The following RBFOX3 variants were observed in gnomAD, a reference collection of about 807,000 sequenced individuals.
The protein encoded by RBFOX3 is RNA binding protein fox-1 homolog 3.
A neutral mutation model predicts 48.7 loss-of-function variants in RBFOX3; 17 were observed. The ratio of observed to expected loss-of-function variants is 0.35; its 90% CI spans 0.24 to 0.52. RBFOX3 has a LOEUF of 0.52. Ranked by LOEUF, RBFOX3 falls within the 20% of genes least tolerant of loss-of-function variation. The pLI, the probability that RBFOX3 is intolerant of heterozygous loss-of-function variation, is 0.94. For missense variants in RBFOX3, 382 were observed against 497.5 expected (o/e 0.77, Z 2.21); for synonymous variants, 212 against 209.5 (o/e 1.01, Z -0.10).
At chr17:79,357,809 T>TTA (rs1442381876) in intron 2 of RBFOX3, among the ~76,000 whole-genome samples, 1 of 151,976 alleles carries the variant, frequency 6.6e-6, no homozygotes, top group Non-Finnish European at 1.5e-5. Flanking sequence ...GGTGTTTTTT[T>TTA]TTTATTTACT....
At chr17:79,287,926 G>T (rs148577773) in intron 3 of RBFOX3, among the ~76,000 whole-genome samples, 2,028 of 152,288 alleles carry the variant, frequency 0.013, 23 homozygotes, top group Non-Finnish European at 0.018. Context: ...CAGTGAGTGC[G>T]GCTGTGCATG....
At chr17:79,093,009 G>T (rs574304591) in intron 14 of RBFOX3, among the ~76,000 whole-genome samples, 2 of 152,240 alleles carry the variant, frequency 1.3e-5, no homozygotes, top group African/African-American at 4.8e-5. Context: ...AGGGTGGCAC[G>T]GGGCATCTTC....
chr17:79,118,814 TAAAA>T (rs34700433), intron 4 of RBFOX3, among the ~76,000 whole-genome samples: 14 of 142,362 alleles, frequency 9.8e-5, no homozygotes, highest in South Asian at 4.5e-4. Context: ...CTACAAAAAA[TAAAA>T]AAAAAAAAAA....
chr17:79,520,777 C>G (rs2085949774), intron 1 of RBFOX3, among the ~76,000 whole-genome samples: 1 of 152,252 alleles, frequency 6.6e-6, no homozygotes, highest in African/African-American at 2.4e-5. Flanking sequence ...GTCGGGCCCT[C>G]CCGGCTGGCC....
intron 9 of RBFOX3, chr17:79,098,160 G>T: frequency 5.7e-6 from 1 of 175,816 alleles, no homozygotes; most frequent in Non-Finnish European, 1.2e-5. Context: ...CACCATCCGA[G>T]CTCCAGGTGG....
chr17:79,620,547 ATGCACACATG>A, the RBFOX3 span, among the ~76,000 whole-genome samples: 5 of 148,374 alleles, frequency 3.4e-5, no homozygotes, highest in African/African-American at 1.3e-4. Context: ...GCACACACGC[ATGCACACATG>A]TGCACACCCG....
intron 2 of RBFOX3, among the ~76,000 whole-genome samples, chr17:79,464,554 T>C (rs1177253823): frequency 6.6e-6 from 1 of 152,176 alleles, no homozygotes; most frequent in Non-Finnish European, 1.5e-5. Flanking sequence ...CGTGCCGTGA[T>C]GCAGACGCCG....
At chr17:79,500,512 C>T (rs1179764634) in intron 1 of RBFOX3, among the ~76,000 whole-genome samples, 1 of 152,152 alleles carries the variant, frequency 6.6e-6, no homozygotes, top group Non-Finnish European at 1.5e-5. Context: ...CCGCCTTGGC[C>T]TCCCAAAGTG....
At chr17:79,224,844 C>T (rs571909371) in intron 4 of RBFOX3, among the ~76,000 whole-genome samples, 22 of 152,338 alleles carry the variant, frequency 1.4e-4, no homozygotes, top group Middle Eastern at 3.4e-3. Context: ...GAACTCAGAG[C>T]AAGATTTTAC....
At chr17:79,335,223 A>G (rs1184042185) in intron 2 of RBFOX3, among the ~76,000 whole-genome samples, 1 of 152,228 alleles carries the variant, frequency 6.6e-6, no homozygotes, top group Non-Finnish European at 1.5e-5. Flanking sequence ...GCAGGTGGCC[A>G]ACATGAGTAT....
At chr17:79,125,696 T>G (rs1156753075) in intron 4 of RBFOX3, among the ~76,000 whole-genome samples, 1 of 152,230 alleles carries the variant, frequency 6.6e-6, no homozygotes, top group Non-Finnish European at 1.5e-5. Flanking sequence ...ATGAAGCTAA[T>G]TGCCTTCAGA....
intron 2 of RBFOX3, among the ~76,000 whole-genome samples, chr17:79,375,367 A>ACAC: frequency 7.2e-6 from 1 of 138,506 alleles, no homozygotes; most frequent in Non-Finnish European, 1.5e-5. Flanking sequence ...AGACACACAC[A>ACAC]CACACACACA....
intron 2 of RBFOX3, among the ~76,000 whole-genome samples, chr17:79,449,858 T>C (rs1555740482): frequency 6.6e-6 from 1 of 152,200 alleles, no homozygotes; most frequent in African/African-American, 2.4e-5. Flanking sequence ...GGTGGGTGGC[T>C]GGCCCCCTCC....
At chr17:79,112,668 T>A (rs1203119317) in intron 5 of RBFOX3, among the ~76,000 whole-genome samples, 1 of 152,006 alleles carries the variant, frequency 6.6e-6, no homozygotes, top group Non-Finnish European at 1.5e-5. Flanking sequence ...AGGGGCCGGC[T>A]CTGCCACAGC....
In RBFOX3 at chr17:79,348,089, C is replaced by G. The variant is rs75784647; in HGVS notation, c.-174-40265G>C. ...CTTAGATCAGAGCTTCACCTTCCCC[C>G]TCCTGAGAGATGCGGCATTCAGAGG... On this transcript the variant is annotated intron_variant, in intron 2 of 14. Transcript: ENST00000693108. 2.6e-3 allele frequency among the ~76,000 whole-genome samples: 396 copies of G among 152,292 alleles called. 12 individuals are homozygous for G. The East Asian group carries it at 0.043, about 17-fold the overall frequency.
intron 4 of RBFOX3, among the ~76,000 whole-genome samples, chr17:79,149,953 T>TG (rs2043952128): frequency 1.1e-5 from 1 of 90,094 alleles, no homozygotes. Context: ...AGTGCCAGGG[T>TG]GGGGATGGGG....
At chr17:79,512,972 C>T (rs1555781975) in intron 1 of RBFOX3, among the ~76,000 whole-genome samples, 5 of 144,906 alleles carry the variant, frequency 3.5e-5, no homozygotes, top group African/African-American at 7.8e-5. Context: ...GACACCCACC[C>T]AGATACATGT....
rs60326568 is a variant in RBFOX3, at chr17:79,218,210, G to C, written c.-34+17556C>G. Among the ~76,000 whole-genome samples the C allele has an allele frequency of 6.5e-3, 995 of 152,216 alleles. 13 individuals carry two copies. The highest frequency in any genetic ancestry group is 0.022 in the African/African-American group (917 of 41,518). On this transcript the variant is annotated intron_variant, in intron 4 of 14. Transcript: ENST00000693108. ...ACAGGAATCGAGCTGGCGAGGCTGG[G>C]AGGGGGTCCTGGTGGGGTTCGGACT...
At chr17:79,173,236 A>ATACATACATACATACATACATACATACG (rs1361135972) in intron 4 of RBFOX3, among the ~76,000 whole-genome samples, 2 of 152,316 alleles carry the variant, frequency 1.3e-5, no homozygotes, top group Admixed American at 6.5e-5. Flanking sequence ...ACATACATAC[A>ATACATACATACATACATACATACATACG]TACGTACATA....
Sources: allele counts gnomAD v4.1 joint callset (sites outside exome capture counted in the v4.1 genomes callset), GRCh38; gene constraint gnomAD v4.1.1; transcripts MANE v1.5; gene names NCBI Gene and HGNC (gene_info 2026-07-23, HGNC 2026-07-21).